IGFBP2: variants seen among roughly 807,000 people sequenced by gnomAD.
The protein encoded by IGFBP2 is insulin-like growth factor-binding protein 2.
In IGFBP2, 12 loss-of-function variants were observed where a neutral mutation model predicts 26.2. That is an observed-to-expected ratio of 0.46 (90% CI 0.29 to 0.74). The LOEUF is 0.74. IGFBP2 is among the 30% of genes least tolerant of loss of function. IGFBP2 has a pLI of 0.09. For synonymous variants in IGFBP2, 189 were observed against 200.6 expected (o/e 0.94, Z 0.49); for missense variants, 328 against 441.2 (o/e 0.74, Z 2.30).
intron 1 of IGFBP2, among the ~76,000 whole-genome samples, chr2:216,638,399 G>A (rs572171233): frequency 2.2e-4 from 34 of 151,760 alleles, no homozygotes; most frequent in Admixed American, 2.6e-4. Context: ...CAGCTGCTCG[G>A]GACTCTGAGG....
At chr2:216,637,928 C>T (rs1342928587) in intron 1 of IGFBP2, among the ~76,000 whole-genome samples, 3 of 152,230 alleles carry the variant, frequency 2.0e-5, no homozygotes, top group African/African-American at 7.2e-5. Flanking sequence ...TTGGCTCATG[C>T]CTGTAATCCC....
intron 1 of IGFBP2, among the ~76,000 whole-genome samples, chr2:216,637,942 A>G (rs989002191): frequency 6.6e-5 from 10 of 152,224 alleles, no homozygotes; most frequent in Admixed American, 6.5e-4. Context: ...TAATCCCAGC[A>G]CTTTGGGAGG....
At chr2:216,659,981 A>G (rs767475257) in intron 1 of IGFBP2, among the ~76,000 whole-genome samples, 1 of 151,834 alleles carries the variant, frequency 6.6e-6, no homozygotes, top group Non-Finnish European at 1.5e-5. Flanking sequence ...GTGGCCTTCC[A>G]CCTTCTCACT....
At chr2:216,652,017 C>T (rs1697835470) in intron 1 of IGFBP2, among the ~76,000 whole-genome samples, 1 of 152,148 alleles carries the variant, frequency 6.6e-6, no homozygotes, top group South Asian at 2.1e-4. Context: ...CCACCTCAGC[C>T]TCCCAAAGTG....
chr2:216,647,758 G>A (rs1220860570), intron 1 of IGFBP2, among the ~76,000 whole-genome samples: 1 of 152,160 alleles, frequency 6.6e-6, no homozygotes, highest in Non-Finnish European at 1.5e-5. Context: ...CTGACCTCGT[G>A]ATCTGCCCGC....
chr2:216,645,731 C>T (rs1697699043), intron 1 of IGFBP2, among the ~76,000 whole-genome samples: 1 of 152,174 alleles, frequency 6.6e-6, no homozygotes, highest in Non-Finnish European at 1.5e-5. Context: ...GACTTATTCC[C>T]TTGAGTGTGG....
rs111336403 is a variant in IGFBP2, at chr2:216,647,606, G to A, written c.443-12951G>A. On this transcript the variant is annotated intron_variant, in intron 1 of 3. Transcript: ENST00000233809. ...GTGATCTCGGCTTACCGCAAGCTCC[G>A]CCTCCCGGGTTTGCACCATTCTCCT... Among the ~76,000 whole-genome samples the A allele has an allele frequency of 5.2e-3, 786 of 152,150 alleles. 7 individuals carry two copies. Among genetic ancestry groups the A allele is most frequent in the Non-Finnish European group, 6.1e-3 (414 of 68,002 alleles).
At chr2:216,636,993 AG>A (rs1697511952) in intron 1 of IGFBP2, among the ~76,000 whole-genome samples, 1 of 151,966 alleles carries the variant, frequency 6.6e-6, no homozygotes, top group African/African-American at 2.4e-5. Flanking sequence ...GGAAGAATAA[AG>A]GGGGGAAGAG....
At chr2:216,662,030 C>T (rs369514135) in intron 3 of IGFBP2, 32 bp downstream of exon 3, 116 of 1,610,802 alleles carry the variant, frequency 7.2e-5, no homozygotes, top group Non-Finnish European at 9.3e-5. Context: ...GCCAGAGCAG[C>T]TCCTCCTCAG....
upstream of IGFBP2, chr2:216,633,370 G>A (rs1316480667): frequency 3.2e-5 from 5 of 156,674 alleles, no homozygotes; most frequent in Admixed American, 2.6e-4. Context: ...GAGAAGGCAG[G>A]GGGCGGGGAG....
At chr2:216,637,754 A>G (rs1436704808) in intron 1 of IGFBP2, among the ~76,000 whole-genome samples, 2 of 152,202 alleles carry the variant, frequency 1.3e-5, no homozygotes, top group Non-Finnish European at 2.9e-5. Context: ...CTCTTGGCCA[A>G]GTGGACTGTT....
chr2:216,648,072 AT>A (rs1444390563), intron 1 of IGFBP2, among the ~76,000 whole-genome samples: 1 of 152,182 alleles, frequency 6.6e-6, no homozygotes, highest in Non-Finnish European at 1.5e-5. Context: ...CCCATCTGCA[AT>A]TTATCAGATT....
intron 1 of IGFBP2, among the ~76,000 whole-genome samples, chr2:216,648,696 C>A (rs1697762058): frequency 6.6e-6 from 1 of 152,108 alleles, no homozygotes; most frequent in African/African-American, 2.4e-5. Flanking sequence ...GCAACCTTCG[C>A]CTCCCGGGTT....
At chr2:216,653,898 C>G (rs1697871614) in intron 1 of IGFBP2, among the ~76,000 whole-genome samples, 1 of 152,150 alleles carries the variant, frequency 6.6e-6, no homozygotes, top group South Asian at 2.1e-4. Flanking sequence ...CAGGGAAAGT[C>G]TCTTCAGGGG....
At chr2:216,653,805 C>T (rs933286733) in intron 1 of IGFBP2, among the ~76,000 whole-genome samples, 9 of 152,122 alleles carry the variant, frequency 5.9e-5, no homozygotes, top group Admixed American at 3.3e-4. Context: ...GCTTGACCTT[C>T]TATATGTGAA....
At chr2:216,663,856 G>A in intron 3 of IGFBP2, 84 bp from the exon 4 acceptor site, 2 of 1,447,052 alleles carry the variant, frequency 1.4e-6, no homozygotes, top group Non-Finnish European at 1.9e-6. Flanking sequence ...TGCAAGGGGT[G>A]GCTGCTCAGT....
intron 1 of IGFBP2, among the ~76,000 whole-genome samples, chr2:216,653,448 TG>T (rs1053771164): frequency 1.3e-5 from 2 of 152,242 alleles, no homozygotes; most frequent in African/African-American, 2.4e-5. Flanking sequence ...CTCTTTCTCT[TG>T]GGCTGTCAGC....
Position 216,661,870 on chromosome 2 carries a change from C to A in IGFBP2, c.685C>A (p.Gln229Lys), listed in dbSNP as rs1480776846. ...RPPPARTPCQQELDQVLERIS... is the reference protein window; with the variant it reads ...RPPPARTPCQKELDQVLERIS... The stretch of plus-strand genomic sequence containing the variant: ...TCTGTGCGTGCAGACTCCCTGCCAA[C>A]AGGAACTGGACCAGGTCCTGGAGCG... Residue 229 changes from glutamine (Q) to lysine (K), a missense_variant, in exon 3 of 4, where the codon CAG (glutamine) becomes AAG (lysine). Gln to Lys is a moderately conservative substitution (Grantham distance 53). Transcript: ENST00000233809. The A allele has an allele frequency of 3.1e-6, 5 of 1,614,200 alleles. No individual in the cohort carries two copies. The highest frequency in any genetic ancestry group is 1.7e-5 in the Admixed American group (1 of 60,036).
In IGFBP2 at chr2:216,657,059, G is replaced by A. The variant is rs547886285; in HGVS notation, c.443-3498G>A. 3.3e-5 allele frequency among the ~76,000 whole-genome samples: 5 copies of A among 152,284 alleles called. No individual in the cohort carries two copies. In the South Asian group the frequency reaches 8.3e-4, roughly 25 times the overall value. On this transcript the variant is annotated intron_variant, in intron 1 of 3. Coordinates refer to ENST00000233809, the MANE Select transcript of IGFBP2 (RefSeq NM_000597.3). ...GAACTGGAGGTTCCCACTTCATTTT[G>A]TCTTTCTCATTTTGATCCTGAGTAG...
Sources: allele counts gnomAD v4.1 joint callset (sites outside exome capture counted in the v4.1 genomes callset), GRCh38; gene constraint gnomAD v4.1.1; transcripts MANE v1.5; gene names NCBI Gene and HGNC (gene_info 2026-07-23, HGNC 2026-07-21).